PDE8B: variants seen among roughly 807,000 people sequenced by gnomAD.
The protein encoded by PDE8B is high affinity cAMP-specific and IBMX-insensitive 3',5'-cyclic phosphodiesterase 8B.
PDE8B carries 26 observed loss-of-function variants against 101.3 expected under a neutral mutation model. That is an observed-to-expected ratio of 0.26 (90% CI 0.19 to 0.36). The LOEUF (loss-of-function observed/expected upper bound fraction) is 0.36. Ranked by LOEUF, PDE8B falls within the 10% of genes least tolerant of loss-of-function variation. The pLI is 1.00. For synonymous variants in PDE8B, 424 were observed against 429.3 expected (o/e 0.99, Z 0.15); for missense variants, 810 against 1,163.1 (o/e 0.70, Z 4.42).
chr5:77,255,559 C>G (rs948588692), intron 1 of PDE8B, among the ~76,000 whole-genome samples: 5 of 152,228 alleles, frequency 3.3e-5, no homozygotes, highest in African/African-American at 1.2e-4. Flanking sequence ...TCCCCAGCAA[C>G]ACTTACTCCT....
At chr5:77,404,261 T>C (rs1021202448) in intron 11 of PDE8B, among the ~76,000 whole-genome samples, 6 of 152,030 alleles carry the variant, frequency 3.9e-5, no homozygotes, top group African/African-American at 4.8e-5. Flanking sequence ...GCTGGACTTA[T>C]AGGCATGAGC....
At chr5:77,350,953 G>T in intron 8 of PDE8B, 112 bp from the exon 9 acceptor site, 1 of 796,350 alleles carries the variant, frequency 1.3e-6, no homozygotes, top group East Asian at 2.5e-5. Context: ...CAGGCATTGG[G>T]AAATGTAACG....
chr5:77,221,090 T>TTTTAAAAATATGA, intron 1 of PDE8B, among the ~76,000 whole-genome samples: 1 of 152,340 alleles, frequency 6.6e-6, no homozygotes, highest in South Asian at 2.1e-4. Context: ...CTAGAACTGT[T>TTTTAAAAATATGA]TTTAAAAATA....
At chr5:77,264,744 GA>G (rs1416080511) in intron 1 of PDE8B, among the ~76,000 whole-genome samples, 1 of 152,016 alleles carries the variant, frequency 6.6e-6, no homozygotes, top group African/African-American at 2.4e-5. Flanking sequence ...ATCTGGAAAG[GA>G]ATCAAGTCTT....
At chr5:77,302,577 C>G (rs1295970019) in intron 1 of PDE8B, among the ~76,000 whole-genome samples, 1 of 152,184 alleles carries the variant, frequency 6.6e-6, no homozygotes, top group Non-Finnish European at 1.5e-5. Context: ...TTTCCATGCT[C>G]ATTGTTTCTC....
chr5:77,365,815 C>T (rs1784015452), intron 10 of PDE8B, among the ~76,000 whole-genome samples: 1 of 152,182 alleles, frequency 6.6e-6, no homozygotes, highest in Non-Finnish European at 1.5e-5. Context: ...GTCTTGTCAG[C>T]CATGTTTCCA....
At chr5:77,403,379 A>G (rs532694418) in intron 11 of PDE8B, among the ~76,000 whole-genome samples, 2 of 152,316 alleles carry the variant, frequency 1.3e-5, no homozygotes, top group East Asian at 1.9e-4. Flanking sequence ...AGCAGTATGC[A>G]TCATTTGATG....
chr5:77,116,388 C>T, the PDE8B span, among the ~76,000 whole-genome samples: 1 of 151,860 alleles, frequency 6.6e-6, no homozygotes, highest in Non-Finnish European at 1.5e-5. Flanking sequence ...TGTGCCACCA[C>T]ACCCGGCTAA....
intron 1 of PDE8B, among the ~76,000 whole-genome samples, chr5:77,232,987 T>C (rs1304519310): frequency 6.6e-6 from 1 of 152,210 alleles, no homozygotes; most frequent in Admixed American, 6.5e-5. Context: ...GTGTGATTCA[T>C]GTTGGTAAGG....
At chr5:77,366,173 C>A (rs1274644164) in intron 10 of PDE8B, among the ~76,000 whole-genome samples, 1 of 151,910 alleles carries the variant, frequency 6.6e-6, no homozygotes, top group South Asian at 2.1e-4. Flanking sequence ...ATACAGTTTC[C>A]TGCTTTAATT....
intron 1 of PDE8B, among the ~76,000 whole-genome samples, chr5:77,218,594 C>T (rs183608156): frequency 6.6e-6 from 1 of 152,294 alleles, no homozygotes; most frequent in Admixed American, 6.5e-5. Flanking sequence ...GAGCAGGGAG[C>T]CTCGTGAGTG....
the PDE8B span, among the ~76,000 whole-genome samples, chr5:77,194,589 ACTTTACATTCCCCAGCCC>A: frequency 2.6e-5 from 4 of 152,250 alleles, no homozygotes; most frequent in African/African-American, 7.2e-5. Flanking sequence ...TTCGGCAGTC[ACTTTACATTCCCCAGCCC>A]CTTTACATTC....
At chr5:77,090,718 A>T in the PDE8B span, among the ~76,000 whole-genome samples, 125 of 152,298 alleles carry the variant, frequency 8.2e-4, no homozygotes, top group African/African-American at 2.9e-3. Context: ...TGCAAATGGT[A>T]AGAGTTCCTT....
chr5:77,095,275 A>G, the PDE8B span, among the ~76,000 whole-genome samples: 3 of 152,208 alleles, frequency 2.0e-5, no homozygotes, highest in Admixed American at 2.0e-4. Context: ...TGCCTTGAGC[A>G]TCCCCAAAAA....
At chr5:77,246,942 A>G (rs1469548937) in intron 1 of PDE8B, 2 of 152,094 alleles carry the variant, frequency 1.3e-5, no homozygotes, top group South Asian at 4.1e-4. Context: ...TTGCCTGTCT[A>G]TGCTCATATT....
At chr5:77,289,088 C>T (rs776440350) in intron 1 of PDE8B, among the ~76,000 whole-genome samples, 2 of 152,154 alleles carry the variant, frequency 1.3e-5, no homozygotes, top group Non-Finnish European at 2.9e-5. Flanking sequence ...CTAATAGACA[C>T]GTCCACACTG....
intron 6 of PDE8B, among the ~76,000 whole-genome samples, chr5:77,337,739 G>A (rs1778458649): frequency 6.6e-6 from 1 of 152,142 alleles, no homozygotes; most frequent in South Asian, 2.1e-4. Context: ...AACCACAATA[G>A]CAATTTTATT....
the PDE8B span, among the ~76,000 whole-genome samples, chr5:77,187,057 T>C: frequency 6.6e-6 from 1 of 152,256 alleles, no homozygotes; most frequent in Non-Finnish European, 1.5e-5. Flanking sequence ...TCTATGAATA[T>C]GTACACAGTG....
chr5:77,336,341 AT>A (rs1778190506), intron 5 of PDE8B, among the ~76,000 whole-genome samples: 1 of 152,138 alleles, frequency 6.6e-6, no homozygotes, highest in African/African-American at 2.4e-5. Flanking sequence ...GCAAAAAGCC[AT>A]TTTCATCATT....
Sources: gnomAD v4.1 joint callset for allele counts (sites outside exome capture counted in the v4.1 genomes callset) on GRCh38, gnomAD v4.1.1 for gene constraint, MANE v1.5 for transcripts, NCBI Gene and HGNC (gene_info 2026-07-23, HGNC 2026-07-21) for gene names.